RALGPS1: variants seen among roughly 807,000 people sequenced by gnomAD.
RALGPS1 encodes the protein Ral GEF with PH domain and SH3 binding motif 1.
RALGPS1 carries 19 observed loss-of-function variants against 78.8 expected under a neutral mutation model. That is an observed-to-expected ratio of 0.24 (90% confidence interval 0.17 to 0.35). The LOEUF is 0.35. Among genes scored for constraint, RALGPS1 ranks in the 10% least tolerant of loss-of-function variants. RALGPS1 has a pLI of 1.00. For missense variants in RALGPS1, 454 were observed against 688.3 expected (o/e 0.66, Z 3.81); for synonymous variants, 228 against 256.3 (o/e 0.89, Z 1.06).
chr9:126,916,412 G>A (rs1403002259), intron 1 of RALGPS1, among the ~76,000 whole-genome samples: 1 of 152,200 alleles, frequency 6.6e-6, no homozygotes, highest in East Asian at 1.9e-4. Flanking sequence ...AGGACTCTGA[G>A]CTGGAACATA....
Position 127,091,975 on chromosome 9 carries a change from C to G in RALGPS1, c.610+22619C>G. The G allele has an allele frequency of 6.3e-7, 1 of 1,598,484 alleles. No homozygotes were observed. Among genetic ancestry groups the G allele is most frequent in the South Asian group, 1.1e-5 (1 of 88,772 alleles). On this transcript the variant is annotated intron_variant, in intron 8 of 18. Transcript: ENST00000259351. The surrounding 1 kb of genome is among the most constrained non-coding windows in gnomAD (Gnocchi z 4.3). Reference sequence around the variant, plus strand: ...ACCCAGGAGAGTGTTAATGTGGAGCCTGCAGCACCTGCAGCCAGCAGGCTT... The same window carrying G: ...ACCCAGGAGAGTGTTAATGTGGAGCGTGCAGCACCTGCAGCCAGCAGGCTT...
At chr9:127,008,609 A>G (rs2044071926) in intron 4 of RALGPS1, among the ~76,000 whole-genome samples, 2 of 152,194 alleles carry the variant, frequency 1.3e-5, no homozygotes, top group Non-Finnish European at 2.9e-5. Flanking sequence ...AGGAAGCTCA[A>G]GCACCTTGTC....
intron 8 of RALGPS1, among the ~76,000 whole-genome samples, chr9:127,160,885 G>C (rs1384052463): frequency 6.6e-6 from 1 of 152,206 alleles, no homozygotes; most frequent in African/African-American, 2.4e-5. Flanking sequence ...CTTCTGTACA[G>C]GGTCACTGCT....
At chr9:127,151,598 A>G (rs2058425830) in intron 8 of RALGPS1, among the ~76,000 whole-genome samples, 1 of 152,040 alleles carries the variant, frequency 6.6e-6, no homozygotes. Flanking sequence ...GGTCACTTTT[A>G]TGGTTTTTTT....
chr9:127,036,380 A>C (rs1027153925), intron 5 of RALGPS1, among the ~76,000 whole-genome samples: 3 of 152,224 alleles, frequency 2.0e-5, no homozygotes, highest in African/African-American at 7.2e-5. Flanking sequence ...TCAGACTCCA[A>C]ATAAAAGAAA....
intron 4 of RALGPS1, among the ~76,000 whole-genome samples, chr9:127,009,841 C>T (rs1161783574): frequency 6.6e-6 from 1 of 152,152 alleles, no homozygotes; most frequent in Non-Finnish European, 1.5e-5. Flanking sequence ...AGGTTTAGCC[C>T]ACAGCCCTGG....
chr9:126,999,215 A>G (rs2043059317), intron 4 of RALGPS1, among the ~76,000 whole-genome samples: 2 of 152,148 alleles, frequency 1.3e-5, no homozygotes, highest in Non-Finnish European at 2.9e-5. Flanking sequence ...TTGAACAGAA[A>G]GTATAGAGTG....
At chr9:127,197,159 T>G (rs2061390715) in intron 13 of RALGPS1, among the ~76,000 whole-genome samples, 2 of 152,204 alleles carry the variant, frequency 1.3e-5, no homozygotes, top group Non-Finnish European at 2.9e-5. Flanking sequence ...CCAGACGTGG[T>G]GCTTATGGCA....
intron 4 of RALGPS1, among the ~76,000 whole-genome samples, chr9:127,005,372 A>G (rs1046722122): frequency 6.6e-6 from 1 of 152,210 alleles, no homozygotes; most frequent in African/African-American, 2.4e-5. Flanking sequence ...CTGTCTGTGC[A>G]CAGATGAAGC....
Position 127,078,080 on chromosome 9 carries a change from C to A in RALGPS1, c.610+8724C>A, listed in dbSNP as rs1202243757. Among the ~76,000 whole-genome samples, 3 of 152,150 alleles carry A rather than the reference C, an allele frequency of 2.0e-5. No homozygotes were observed. In the East Asian group the frequency reaches 5.8e-4, roughly 29 times the overall value. ...CTCCCCTTCCCTAAATCTAGGCATT[C>A]AACCCTCTCTGGGATCCAGCAAGCA... On this transcript the variant is annotated intron_variant, in intron 8 of 18. Transcript: ENST00000259351.
Position 127,122,744 on chromosome 9 carries a change from A to G in RALGPS1, c.611-43325A>G, listed in dbSNP as rs1212536018. The G allele has an allele frequency of 6.6e-6, 1 of 152,430 alleles. No individual in the cohort carries two copies. The highest frequency in any genetic ancestry group is 2.4e-5 in the African/African-American group (1 of 41,418). The allele number at this position is 152,430 out of a possible 1,614,324, so 9.4% of individuals were successfully genotyped here. A position where few individuals can be genotyped will look rare whatever the true frequency, so the allele number is the denominator to read the frequency against. ...TCTCTCCACCCACCAGTGCAAGAGGATCCCCCAGGCCCCAGAAAGGCTCCG... is the reference window on the plus strand; with the variant it reads ...TCTCTCCACCCACCAGTGCAAGAGGGTCCCCCAGGCCCCAGAAAGGCTCCG... On this transcript the variant is annotated intron_variant, in intron 8 of 18. Transcript: ENST00000259351. The surrounding 1 kb of genome is among the most constrained non-coding windows in gnomAD (Gnocchi z 6.4).
intron 4 of RALGPS1, among the ~76,000 whole-genome samples, chr9:127,021,061 G>A (rs534441545): frequency 4.6e-5 from 7 of 152,236 alleles, no homozygotes; most frequent in African/African-American, 1.7e-4. Flanking sequence ...GTAAACTTTA[G>A]TTTTCTCTGA....
chr9:127,100,226 A>G (rs533703409), intron 8 of RALGPS1, among the ~76,000 whole-genome samples: 7 of 152,252 alleles, frequency 4.6e-5, no homozygotes, highest in Non-Finnish European at 1.0e-4. Context: ...AAGCAAAAGT[A>G]TTAAATCCTT....
intron 7 of RALGPS1, among the ~76,000 whole-genome samples, chr9:127,055,735 C>A (rs998088457): frequency 1.3e-5 from 2 of 152,248 alleles, no homozygotes; most frequent in Non-Finnish European, 2.9e-5. Context: ...ACAAAAAAGA[C>A]AATTCCAGCT....
chr9:126,958,142 A>AAAAAATATATATATATATATAT (rs113413659), intron 1 of RALGPS1, among the ~76,000 whole-genome samples: 1 of 77,102 alleles, frequency 1.3e-5, no homozygotes, highest in Non-Finnish European at 2.8e-5. Context: ...AAAAAAAAAA[A>AAAAAATATATATATATATATAT]ATATATATAT....
At chr9:127,026,774 G>A (rs1439012704) in intron 4 of RALGPS1, among the ~76,000 whole-genome samples, 6 of 152,210 alleles carry the variant, frequency 3.9e-5, no homozygotes, top group Admixed American at 3.9e-4. Flanking sequence ...ATAGCCAAGT[G>A]GCCTGGGCAA....
At chr9:127,208,297 G>A (rs2062041956) in intron 14 of RALGPS1, among the ~76,000 whole-genome samples, 2 of 152,210 alleles carry the variant, frequency 1.3e-5, no homozygotes, top group African/African-American at 4.8e-5. Context: ...TGCAGGTGGG[G>A]ACCCACAAGT....
chr9:127,034,609 C>T, intron 5 of RALGPS1, 95 bp downstream of exon 5: 1 of 1,022,842 alleles, frequency 9.8e-7, no homozygotes, highest in South Asian at 1.3e-5. Context: ...CTCCCAGGCT[C>T]CCAGCTGGCC....
intron 8 of RALGPS1, among the ~76,000 whole-genome samples, chr9:127,163,764 A>G (rs2059146171): frequency 6.6e-6 from 1 of 152,240 alleles, no homozygotes; most frequent in African/African-American, 2.4e-5. Flanking sequence ...GATAAATCAG[A>G]TAATGAACAT....
Sources: allele counts gnomAD v4.1 joint callset (sites outside exome capture counted in the v4.1 genomes callset), GRCh38; gene constraint gnomAD v4.1.1; non-coding constraint Gnocchi (gnomAD v3.1); transcripts MANE v1.5; gene names NCBI Gene and HGNC (gene_info 2026-07-23, HGNC 2026-07-21).